The following NCAM2 variants were observed in gnomAD, a reference collection of about 807,000 sequenced individuals.
The protein encoded by NCAM2 is neural cell adhesion molecule 2, also known as N-CAM-2.
In NCAM2, 30 loss-of-function variants were observed where a neutral mutation model predicts 98.1. The observed-to-expected ratio is 0.31, with a 90% CI of 0.23 to 0.41. NCAM2 has a LOEUF of 0.41. NCAM2 is among the 10% of genes least tolerant of loss of function. NCAM2 has a pLI of 1.00. For synonymous variants in NCAM2, 368 were observed against 342.4 expected, an observed-to-expected ratio of 1.07 and a Z score of -0.83; for missense variants, 867 against 1,005.8, an observed-to-expected ratio of 0.86 and a Z score of 1.87.
At chr21:21,003,258 G>T (rs192180008) in intron 1 of NCAM2, among the ~76,000 whole-genome samples, 2 of 152,208 alleles carry the variant, frequency 1.3e-5, no homozygotes, top group East Asian at 3.9e-4. Context: ...AAATCATTAA[G>T]AAAGATAATG....
intron 1 of NCAM2, among the ~76,000 whole-genome samples, chr21:21,171,024 T>G (rs1032109011): frequency 2.6e-5 from 4 of 152,238 alleles, no homozygotes; most frequent in African/African-American, 4.8e-5. Flanking sequence ...AGCTTTAAAT[T>G]TGATATTGTA....
At chr21:21,171,279 A>G (rs556531242) in intron 1 of NCAM2, among the ~76,000 whole-genome samples, 1 of 152,354 alleles carries the variant, frequency 6.6e-6, no homozygotes, top group African/African-American at 2.4e-5. Flanking sequence ...TAAAAGATGA[A>G]GCATATACAA....
At chr21:21,105,672 A>G (rs947130865) in intron 1 of NCAM2, among the ~76,000 whole-genome samples, 1 of 152,172 alleles carries the variant, frequency 6.6e-6, no homozygotes, top group African/African-American at 2.4e-5. Flanking sequence ...AATTAAAAAG[A>G]CTAATAAAAC....
chr21:21,190,794 G>A (rs1038044884), intron 1 of NCAM2, among the ~76,000 whole-genome samples: 4 of 152,144 alleles, frequency 2.6e-5, no homozygotes, highest in African/African-American at 9.7e-5. Flanking sequence ...CCTGTAAAAT[G>A]AGTCTAAGAA....
At chr21:21,375,476 A>T (rs541116043) in intron 9 of NCAM2, among the ~76,000 whole-genome samples, 155 of 151,912 alleles carry the variant, frequency 1.0e-3, no homozygotes, top group African/African-American at 3.5e-3. Context: ...TTTCTAAAAA[A>T]ATAAAAATGG....
In NCAM2 at chr21:21,393,716, A is replaced by G. The variant is rs759168146; in HGVS notation, c.1196-16558A>G. On this transcript the variant is annotated intron_variant, in intron 9 of 17. Coordinates refer to ENST00000400546, the MANE Select transcript of NCAM2 (RefSeq NM_004540.5). ...TTCCTTTGATAACTCAGAAGTTTTT[A>G]TGAAAGAGGTTCATTTAATCTTTGT... 3.3e-5 allele frequency among the ~76,000 whole-genome samples: 5 copies of G among 152,146 alleles called. No individual in the cohort carries two copies. The East Asian group carries it at 9.6e-4, about 29-fold the overall frequency.
chr21:21,392,221 G>A (rs192687971), intron 9 of NCAM2, among the ~76,000 whole-genome samples: 78 of 152,298 alleles, frequency 5.1e-4, no homozygotes, highest in Non-Finnish European at 3.4e-4. Context: ...CTGTTCCTAA[G>A]TTAGTTTGCT....
chr21:21,438,031 C>G (rs984819274), intron 12 of NCAM2, among the ~76,000 whole-genome samples: 1 of 152,060 alleles, frequency 6.6e-6, no homozygotes, highest in African/African-American at 2.4e-5. Flanking sequence ...CACAATTATA[C>G]TCATTCTCTG....
chr21:21,468,839 T>G (rs550578137), intron 14 of NCAM2, 56 bp downstream of exon 14: 1 of 1,469,618 alleles, frequency 6.8e-7, no homozygotes, highest in South Asian at 1.2e-5. Flanking sequence ...TAAATTGAGT[T>G]GCACTGAATT....
At chr21:21,531,742 ATTAC>A (rs1989706929) in intron 16 of NCAM2, among the ~76,000 whole-genome samples, 1 of 151,462 alleles carries the variant, frequency 6.6e-6, no homozygotes, top group Non-Finnish European at 1.5e-5. Context: ...TGATTCTGGT[ATTAC>A]TTAATATAAC....
intron 1 of NCAM2, among the ~76,000 whole-genome samples, chr21:21,111,872 T>A (rs999696935): frequency 6.6e-6 from 1 of 152,060 alleles, no homozygotes; most frequent in African/African-American, 2.4e-5. Flanking sequence ...TATCCTCTCA[T>A]TGGTCTGTGA....
intron 1 of NCAM2, among the ~76,000 whole-genome samples, chr21:21,184,335 AAG>A (rs1394337773): frequency 1.3e-5 from 2 of 151,984 alleles, no homozygotes; most frequent in Non-Finnish European, 2.9e-5. Context: ...GAAAAGAAAA[AAG>A]TAATCTTTTT....
chr21:21,493,946 C>T (rs998796270), intron 15 of NCAM2, among the ~76,000 whole-genome samples: 3 of 151,838 alleles, frequency 2.0e-5, no homozygotes, highest in Non-Finnish European at 2.9e-5. Context: ...CGTTTATAAA[C>T]CCTACATGCT....
At chr21:21,469,674 A>G (rs1984178817) in intron 14 of NCAM2, among the ~76,000 whole-genome samples, 1 of 151,992 alleles carries the variant, frequency 6.6e-6, no homozygotes, top group South Asian at 2.1e-4. Flanking sequence ...TCAATTTTCT[A>G]AATTATAATA....
chr21:21,486,001 C>T (rs1003898087), intron 15 of NCAM2, among the ~76,000 whole-genome samples: 5 of 151,892 alleles, frequency 3.3e-5, no homozygotes, highest in African/African-American at 9.7e-5. Flanking sequence ...ACCCATCAAC[C>T]GATAAAACAC....
At chr21:21,134,295 C>T (rs942925875) in intron 1 of NCAM2, among the ~76,000 whole-genome samples, 9 of 152,078 alleles carry the variant, frequency 5.9e-5, no homozygotes, top group African/African-American at 2.2e-4. Context: ...TGGTCTTGAA[C>T]TCCTGACCTC....
At chr21:21,530,323 TTA>T (rs1989613016) in intron 16 of NCAM2, among the ~76,000 whole-genome samples, 3 of 24,466 alleles carry the variant, frequency 1.2e-4, no homozygotes, top group African/African-American at 5.3e-4. Flanking sequence ...TATAATTAAA[TTA>T]AATTAAATTA....
chr21:21,195,472 T>G (rs1279759173), intron 1 of NCAM2, among the ~76,000 whole-genome samples: 1 of 152,192 alleles, frequency 6.6e-6, no homozygotes, highest in Non-Finnish European at 1.5e-5. Flanking sequence ...TGTGCATTCT[T>G]CTTTTCAGCA....
intron 9 of NCAM2, among the ~76,000 whole-genome samples, chr21:21,397,143 G>C (rs577044179): frequency 8.1e-4 from 123 of 152,220 alleles, no homozygotes; most frequent in Middle Eastern, 3.4e-3. Context: ...TGGCTGAGTC[G>C]GGGTTTTATG....
Sources: allele counts gnomAD v4.1 joint callset (sites outside exome capture counted in the v4.1 genomes callset), GRCh38; gene constraint gnomAD v4.1.1; transcripts MANE v1.5; gene names NCBI Gene and HGNC (gene_info 2026-07-23, HGNC 2026-07-21).